The following OXR1 variants were observed in gnomAD, a reference collection of about 807,000 sequenced individuals.
OXR1 encodes the protein oxidation resistance 1.
In OXR1, 41 loss-of-function variants were observed where a neutral mutation model predicts 104.6. That is an observed-to-expected ratio of 0.39 (90% CI 0.31 to 0.51). The LOEUF (loss-of-function observed/expected upper bound fraction) is 0.51, where lower values mean the gene tolerates loss of function less well. Ranked by LOEUF, OXR1 falls within the 20% of genes least tolerant of loss-of-function variation. OXR1 has a pLI of 0.77. For missense variants in OXR1, 955 were observed against 1,031.9 expected (o/e 0.93, Z 1.02); for synonymous variants, 348 against 348.4 (o/e 1.00, Z 0.01).
intron 3 of OXR1, among the ~76,000 whole-genome samples, chr8:106,527,704 T>C (rs187803503): frequency 1.9e-4 from 29 of 152,364 alleles, no homozygotes; most frequent in Admixed American, 1.4e-3. Flanking sequence ...ATACAGATTG[T>C]CAGTCTTTTA....
At chr8:106,543,145 T>C (rs1050118426) in intron 3 of OXR1, among the ~76,000 whole-genome samples, 1 of 152,184 alleles carries the variant, frequency 6.6e-6, no homozygotes, top group African/African-American at 2.4e-5. Flanking sequence ...AGAAAGAGAC[T>C]TCCTAATGAG....
chr8:106,678,427 C>T (rs1277394498), intron 3 of OXR1, among the ~76,000 whole-genome samples: 1 of 151,808 alleles, frequency 6.6e-6, no homozygotes, highest in Non-Finnish European at 1.5e-5. Flanking sequence ...TGTTTACTAT[C>T]TTATTTAATT....
At chr8:106,541,170 T>C (rs900536566) in intron 3 of OXR1, among the ~76,000 whole-genome samples, 1 of 152,242 alleles carries the variant, frequency 6.6e-6, no homozygotes, top group African/African-American at 2.4e-5. Context: ...CTTTAAAATA[T>C]GTTAAATATT....
chr8:106,502,918 C>T (rs1811905228), intron 2 of OXR1, among the ~76,000 whole-genome samples: 1 of 152,156 alleles, frequency 6.6e-6, no homozygotes, highest in African/African-American at 2.4e-5. Context: ...AACAAATCCA[C>T]ACGAATATTA....
chr8:106,668,652 G>T (rs1826603550), intron 3 of OXR1, among the ~76,000 whole-genome samples: 1 of 152,128 alleles, frequency 6.6e-6, no homozygotes, highest in Non-Finnish European at 1.5e-5. Flanking sequence ...CAATAGGATG[G>T]TGAGGTATAT....
At chr8:106,624,721 A>G (rs1487768635) in intron 3 of OXR1, among the ~76,000 whole-genome samples, 1 of 152,126 alleles carries the variant, frequency 6.6e-6, no homozygotes, top group Non-Finnish European at 1.5e-5. Flanking sequence ...ACTGTAAAAA[A>G]CCTTTGACAT....
At chr8:106,342,551 G>T (rs148456033) in intron 1 of OXR1, among the ~76,000 whole-genome samples, 1 of 151,898 alleles carries the variant, frequency 6.6e-6, no homozygotes, top group Non-Finnish European at 1.5e-5. Flanking sequence ...CACCGTGCCC[G>T]GCCTCTCTTT....
intron 3 of OXR1, among the ~76,000 whole-genome samples, chr8:106,590,081 C>T (rs192038311): frequency 8.3e-4 from 127 of 152,324 alleles, no homozygotes; most frequent in African/African-American, 2.8e-3. Context: ...CATGCTTCCA[C>T]TTCATTGATA....
intron 3 of OXR1, chr8:106,657,756 A>G (rs553740585): frequency 3.0e-6 from 3 of 1,016,252 alleles, no homozygotes; most frequent in African/African-American, 1.7e-5. Context: ...CACAAGAAAA[A>G]CTTTTCGAAA....
intron 3 of OXR1, chr8:106,618,147 G>T (rs537972663): frequency 6.5e-7 from 1 of 1,535,952 alleles, no homozygotes; most frequent in Admixed American, 2.0e-5. Context: ...AGCAAGGTTC[G>T]AAGGAAGGAC....
intron 1 of OXR1, among the ~76,000 whole-genome samples, chr8:106,343,722 C>T (rs924954270): frequency 2.0e-5 from 3 of 152,192 alleles, no homozygotes; most frequent in African/African-American, 4.8e-5. Flanking sequence ...AATTCAAACT[C>T]TTGCTGGAAG....
chr8:106,591,188 C>CA (rs1475089654), intron 3 of OXR1, among the ~76,000 whole-genome samples: 2 of 146,802 alleles, frequency 1.4e-5, no homozygotes, highest in African/African-American at 5.1e-5. Flanking sequence ...ATCGCAAGGA[C>CA]AAAAAACCAA....
intron 3 of OXR1, chr8:106,658,186 G>T: frequency 8.1e-7 from 1 of 1,240,282 alleles, no homozygotes; most frequent in Non-Finnish European, 1.0e-6. Flanking sequence ...GAGGGACCTG[G>T]TGAGCCCACC....
At chr8:106,715,896 G>A (rs2131423876) in intron 11 of OXR1, among the ~76,000 whole-genome samples, 1 of 152,172 alleles carries the variant, frequency 6.6e-6, no homozygotes, top group Middle Eastern at 3.4e-3. Context: ...AAAGAAAATG[G>A]AAGAGAAAAA....
At chr8:106,301,077 A>G (rs1813218041) in intron 1 of OXR1, among the ~76,000 whole-genome samples, 1 of 152,226 alleles carries the variant, frequency 6.6e-6, no homozygotes, top group South Asian at 2.1e-4. Flanking sequence ...GTCATATAAA[A>G]GATGCGGCTA....
At chr8:106,346,553 A>C (rs1180126520) in intron 1 of OXR1, among the ~76,000 whole-genome samples, 1 of 152,208 alleles carries the variant, frequency 6.6e-6, no homozygotes, top group East Asian at 1.9e-4. Flanking sequence ...GTTGCTGTGA[A>C]GAAACCTAGT....
intron 2 of OXR1, among the ~76,000 whole-genome samples, chr8:106,425,613 A>G (rs1439407713): frequency 1.3e-5 from 2 of 152,150 alleles, no homozygotes; most frequent in Admixed American, 1.3e-4. Context: ...TACCATGGTT[A>G]TGTGGACCAT....
In OXR1 at chr8:106,692,712, T is replaced by TAAAAAA; in HGVS notation, c.526-7_526-2dup. 1 of 1,168,092 alleles carries TAAAAAA rather than the reference T, an allele frequency of 8.6e-7. No individual in the cohort carries two copies. Among genetic ancestry groups the TAAAAAA allele is most frequent in the East Asian group, 2.9e-5 (1 of 34,852 alleles). 72.4% of individuals were successfully genotyped at this position (1,168,092 alleles called of 1,614,324 possible). ...TTTCTGCTTTTTTTTTTCTTTCCTTTAAAAAAAAAAAAAAGAATCCTGATG... is the reference window on the plus strand; with the variant it reads ...TTTCTGCTTTTTTTTTTCTTTCCTTTAAAAAAAAAAAAAAAAAAAAGAATCCTGATG... On this transcript the variant is annotated splice_polypyrimidine_tract_variant and intron_variant, in intron 6 of 16. Coordinates refer to ENST00000517566, the MANE Select transcript of OXR1 (RefSeq NM_001198533.2).
chr8:106,296,821 A>G (rs1004918950), intron 1 of OXR1, among the ~76,000 whole-genome samples: 14 of 152,194 alleles, frequency 9.2e-5, no homozygotes, highest in Admixed American at 2.0e-4. Flanking sequence ...TCAGGTTATG[A>G]CACCTGTCTT....
Sources: gnomAD v4.1 joint callset for allele counts (sites outside exome capture counted in the v4.1 genomes callset) on GRCh38, gnomAD v4.1.1 for gene constraint, MANE v1.5 for transcripts, NCBI Gene and HGNC (gene_info 2026-07-23, HGNC 2026-07-21) for gene names.